The following C2orf42 variants were observed in gnomAD, a reference collection of about 807,000 sequenced individuals.
The protein encoded by C2orf42 is chromosome 2 open reading frame 42.
A neutral mutation model predicts 58.9 loss-of-function variants in C2orf42; 44 were observed. The observed-to-expected ratio is 0.75, with a 90% CI of 0.59 to 0.96. C2orf42 has a LOEUF of 0.96. Among genes scored for constraint, C2orf42 ranks in the 40% least tolerant of loss-of-function variants. The pLI is 0.00. For synonymous variants in C2orf42, 239 were observed against 265.4 expected (o/e 0.90, Z 0.97); for missense variants, 630 against 699.2 (o/e 0.90, Z 1.12).
At chr2:70,188,991 T>A (rs990595793) in intron 1 of C2orf42, among the ~76,000 whole-genome samples, 7 of 152,174 alleles carry the variant, frequency 4.6e-5, no homozygotes, top group Non-Finnish European at 8.8e-5. Flanking sequence ...GAAGAATATT[T>A]GTAGCAGCAA....
At chr2:70,151,242 G>C (rs747638375) in intron 9 of C2orf42, among the ~76,000 whole-genome samples, 65 of 152,138 alleles carry the variant, frequency 4.3e-4, no homozygotes, top group Non-Finnish European at 8.1e-4. Flanking sequence ...CCAACTACTT[G>C]GGAGACTGAG....
chr2:70,170,942 C>T lies in C2orf42; in HGVS notation c.1040-1281G>A, dbSNP rs369219305. ...CATCCTGGCTAATACAGTGAAACCC[C>T]GTCTCTACTAAAAATACAAAAAATT... On this transcript the variant is annotated intron_variant, in intron 5 of 9. Transcript: ENST00000264434. Among the ~76,000 whole-genome samples the T allele has an allele frequency of 4.5e-3, 676 of 151,802 alleles. 3 individuals are homozygous for T. The highest frequency in any genetic ancestry group is 0.01 in the Middle Eastern group (3 of 294).
chr2:70,150,167 A>G lies in C2orf42; in HGVS notation c.*189T>C. The G allele has an allele frequency of 1.6e-6, 1 of 608,434 alleles. No homozygotes were observed. Among genetic ancestry groups the G allele is most frequent in the Non-Finnish European group, 2.9e-6 (1 of 341,954 alleles). The allele number at this position is 608,434 out of a possible 1,614,324, so 37.7% of individuals were successfully genotyped here. A position where few individuals can be genotyped will look rare whatever the true frequency, so the allele number is the denominator to read the frequency against. On this transcript the variant is annotated 3_prime_UTR_variant, in exon 10 of 10. Coordinates refer to ENST00000264434, the MANE Select transcript of C2orf42 (RefSeq NM_017880.3). ...ATGCATAATGAAGACTGTACACAGC[A>G]GCATCAAAAAGGCTATTTACAAGAG...
In C2orf42 at chr2:70,157,434, G is replaced by A. The variant is rs574744702; in HGVS notation, c.1516+3191C>T. On this transcript the variant is annotated intron_variant, in intron 9 of 9. Transcript: ENST00000264434. Reference sequence around the variant, plus strand: ...CGCACCACTGCACTCCAGCCTGGGCGACAGCGAGACTCCCGTCTCAAAACA... The same window carrying A: ...CGCACCACTGCACTCCAGCCTGGGCAACAGCGAGACTCCCGTCTCAAAACA... Among the ~76,000 whole-genome samples the A allele has an allele frequency of 4.0e-5, 6 of 151,770 alleles. No individual in the cohort carries two copies. The East Asian group carries it at 7.7e-4, about 20-fold the overall frequency.
intron 6 of C2orf42, 27 bp downstream of exon 6, chr2:70,169,530 G>C (rs780326741): frequency 1.7e-6 from 2 of 1,150,680 alleles, no homozygotes; most frequent in South Asian, 1.3e-5. Context: ...CTTTCAGCAA[G>C]AGCCCAGTTA....
At chr2:70,189,595 T>C (rs528652735) in intron 1 of C2orf42, among the ~76,000 whole-genome samples, 1 of 150,536 alleles carries the variant, frequency 6.6e-6, no homozygotes, top group African/African-American at 2.4e-5. Context: ...CGGGCGCCTG[T>C]AGTCCCAGCT....
Position 70,181,369 on chromosome 2 carries a change from G to A in C2orf42, c.617C>T (p.Thr206Ile). The A allele has an allele frequency of 6.2e-7, 1 of 1,614,130 alleles. No individual in the cohort carries two copies. Among genetic ancestry groups the A allele is most frequent in the Non-Finnish European group, 8.5e-7 (1 of 1,179,986 alleles). ...GCCACTGACTTTCTGCACAAAAGAT[G>A]TATGCAAATACCCCAAACTGTGCTT... ...SQKHSLGYLH[T>I]SFVQKVSGKS... Residue 206 changes from threonine (T) to isoleucine (I), a missense_variant, in exon 3 of 10, where the codon ACA becomes ATA. Coordinates refer to ENST00000264434, the MANE Select transcript of C2orf42 (RefSeq NM_017880.3).
intron 2 of C2orf42, among the ~76,000 whole-genome samples, 189 bp from the exon 3 acceptor site, chr2:70,182,186 G>A (rs1402634436): frequency 2.0e-5 from 3 of 151,758 alleles, no homozygotes; most frequent in East Asian, 1.9e-4. Context: ...TGCAACCTCC[G>A]CCTCCTGGGT....
chr2:70,166,233 T>C (rs1038426556), intron 6 of C2orf42, among the ~76,000 whole-genome samples: 50 of 150,370 alleles, frequency 3.3e-4, no homozygotes, highest in African/African-American at 1.0e-3. Context: ...ATGCACCTGC[T>C]GTCCCAGCTA....
At chr2:70,162,737 G>T (rs1673138656) in intron 8 of C2orf42, among the ~76,000 whole-genome samples, 1 of 151,922 alleles carries the variant, frequency 6.6e-6, no homozygotes, top group East Asian at 1.9e-4. Context: ...CTCCTAAATC[G>T]CTGGTATTAT....
At chr2:70,161,034 G>A (rs542756963) in intron 8 of C2orf42, among the ~76,000 whole-genome samples, 2 of 151,986 alleles carry the variant, frequency 1.3e-5, no homozygotes, top group South Asian at 2.1e-4. Context: ...TATACCAATT[G>A]AGCCTCTAAC....
chr2:70,183,394 A>G (rs1202400070), intron 1 of C2orf42, among the ~76,000 whole-genome samples: 2 of 150,980 alleles, frequency 1.3e-5, no homozygotes, highest in Non-Finnish European at 2.9e-5. Context: ...GTGCCATTAT[A>G]CCCCAGCCTT....
At chr2:70,189,583 G>A (rs1307775028) in intron 1 of C2orf42, among the ~76,000 whole-genome samples, 13 of 151,234 alleles carry the variant, frequency 8.6e-5, no homozygotes, top group Admixed American at 4.6e-4. Context: ...TGGGCGAGGT[G>A]GCGGGCGCCT....
intron 9 of C2orf42, among the ~76,000 whole-genome samples, chr2:70,155,817 A>G (rs927498202): frequency 1.3e-5 from 2 of 150,788 alleles, no homozygotes; most frequent in African/African-American, 2.4e-5. Flanking sequence ...AAGAAAAAAA[A>G]AAAGAAAAAT....
In C2orf42 at chr2:70,180,593, G is replaced by A. The variant is rs1358581708; in HGVS notation, c.823+570C>T. Among the ~76,000 whole-genome samples the A allele has an allele frequency of 1.5e-4, 17 of 115,940 alleles. No individual in the cohort carries two copies. In the Admixed American group the frequency reaches 1.8e-3, roughly 12 times the overall value. The allele number at this position is 115,940 out of a possible 152,430, so 76.1% of individuals were successfully genotyped here. A position where few individuals can be genotyped will look rare whatever the true frequency, so the allele number is the denominator to read the frequency against. ...ACTGCACTCCAGCGTTTGTGATGGA[G>A]CAAGATTCTGTCTCAAAAAAAAAAA... On this transcript the variant is annotated intron_variant, in intron 3 of 9. Coordinates refer to ENST00000264434, the MANE Select transcript of C2orf42 (RefSeq NM_017880.3).
intron 9 of C2orf42, among the ~76,000 whole-genome samples, chr2:70,156,441 C>T (rs1159663274): frequency 3.3e-5 from 5 of 151,474 alleles, no homozygotes; most frequent in African/African-American, 1.2e-4. Context: ...ACTATGATCA[C>T]ACCTGGAAAT....
At chr2:70,165,889 TA>T (rs201574594) in intron 6 of C2orf42, among the ~76,000 whole-genome samples, 2 of 151,164 alleles carry the variant, frequency 1.3e-5, no homozygotes, top group Non-Finnish European at 3.0e-5. Flanking sequence ...CCAGTGTCTA[TA>T]AAAAAAAATT....
At chr2:70,187,881 G>A in intron 1 of C2orf42, among the ~76,000 whole-genome samples, 1 of 151,804 alleles carries the variant, frequency 6.6e-6, no homozygotes, top group Non-Finnish European at 1.5e-5. Flanking sequence ...AGTAGAGACG[G>A]GGTTTCACCA....
intron 6 of C2orf42, among the ~76,000 whole-genome samples, chr2:70,167,727 C>T (rs1319418089): frequency 1.3e-5 from 2 of 151,238 alleles, no homozygotes; most frequent in African/African-American, 4.9e-5. Context: ...TGTGACAGAG[C>T]AAGACTGTCT....
Sources: gnomAD v4.1 joint callset for allele counts (sites outside exome capture counted in the v4.1 genomes callset) on GRCh38, gnomAD v4.1.1 for gene constraint, MANE v1.5 for transcripts, NCBI Gene and HGNC (gene_info 2026-07-23, HGNC 2026-07-21) for gene names.